The following CDKN1B variants were observed in gnomAD, a reference collection of about 807,000 sequenced individuals.
CDKN1B encodes the protein cyclin-dependent kinase inhibitor 1B.
Under a neutral mutation model 17.1 loss-of-function variants are expected in CDKN1B, and 7 were observed. The observed-to-expected ratio is 0.41, with a 90% CI of 0.23 to 0.77. The LOEUF (loss-of-function observed/expected upper bound fraction) is 0.77. Among genes scored for constraint, CDKN1B ranks in the 30% least tolerant of loss-of-function variants. The probability of loss-of-function intolerance (pLI) is 0.33; values close to 1 mark genes in which losing one functional copy is unlikely to be tolerated. For missense variants in CDKN1B, 337 were observed against 262.0 expected, an observed-to-expected ratio of 1.29 and a Z score of -1.98; for synonymous variants, 149 against 104.3, an observed-to-expected ratio of 1.43 and a Z score of -2.61.
At chr12:12,720,951 T>C (rs533129842) in intron 2 of CDKN1B, 85 bp from the exon 3 acceptor site, 37 of 564,234 alleles carry the variant, frequency 6.6e-5, no homozygotes, top group African/African-American at 5.3e-4. Flanking sequence ...CAAGCTAACA[T>C]AGTGACAAAA....
At position 12,717,761 on chromosome 12, in the gene CDKN1B, T is replaced by G; in HGVS notation, c.-79T>G. 1 of 1,600,104 alleles carries G rather than the reference T, an allele frequency of 6.2e-7. No homozygotes were observed. Among genetic ancestry groups the G allele is most frequent in the Non-Finnish European group, 8.5e-7 (1 of 1,178,882 alleles). On this transcript the variant is annotated 5_prime_UTR_variant, in exon 1 of 3. Coordinates refer to ENST00000228872, the MANE Select transcript of CDKN1B (RefSeq NM_004064.5). ...CTGGGCTTCCGAGAGGGGTTCGGGCTGCGTAGGGGCGCTTTGTTTTGTTCG... is the reference window on the plus strand; with the variant it reads ...CTGGGCTTCCGAGAGGGGTTCGGGCGGCGTAGGGGCGCTTTGTTTTGTTCG...
In CDKN1B at chr12:12,721,209, C is replaced by T; in HGVS notation, c.*182C>T. On this transcript the variant is annotated 3_prime_UTR_variant, in exon 3 of 3. Coordinates refer to ENST00000228872, the MANE Select transcript of CDKN1B (RefSeq NM_004064.5). Reference sequence around the variant, plus strand: ...AAAATTTTAGGCACTCTTAAATGATCTGCCTCTAAAAGCGTTGGATGTAGC... The same window carrying T: ...AAAATTTTAGGCACTCTTAAATGATTTGCCTCTAAAAGCGTTGGATGTAGC... 1 of 760,078 alleles carries T rather than the reference C, an allele frequency of 1.3e-6. No homozygotes were observed. The highest frequency in any genetic ancestry group is 2.4e-6 in the Non-Finnish European group (1 of 410,348). 47.1% of individuals were successfully genotyped at this position (760,078 alleles called of 1,614,324 possible).
At chr12:12,720,907 T>C (rs1946535386) in intron 2 of CDKN1B, 129 bp from the exon 3 acceptor site, 8 of 549,196 alleles carry the variant, frequency 1.5e-5, no homozygotes, top group East Asian at 3.0e-5. Flanking sequence ...GAGATGACTA[T>C]AGTCATCAAA....
At position 12,717,974 on chromosome 12, in the gene CDKN1B, G is replaced by C; in HGVS notation, c.135G>C (p.Leu45Phe). The C allele has an allele frequency of 1.9e-6, 3 of 1,614,228 alleles. No individual in the cohort carries two copies. The highest frequency in any genetic ancestry group is 2.5e-6 in the Non-Finnish European group (3 of 1,180,050). Residue 45 changes from leucine to phenylalanine, a missense_variant, in exon 1 of 3, where the codon TTG becomes TTC. By Grantham distance (22) the Leu-to-Phe change is conservative. Transcript: ENST00000228872. ...PVDHEELTRD[L>F]EKHCRDMEEA... Reference sequence around the variant, plus strand: ...ACCACGAAGAGTTAACCCGGGACTTGGAGAAGCACTGCAGAGACATGGAAG... The same window carrying C: ...ACCACGAAGAGTTAACCCGGGACTTCGAGAAGCACTGCAGAGACATGGAAG...
At position 12,718,054 on chromosome 12, in the gene CDKN1B, G is replaced by A. The variant is rs1280938448; in HGVS notation, c.215G>A (p.Gly72Asp). 1.2e-6 allele frequency: 2 copies of A among 1,614,252 alleles called. No individual in the cohort carries two copies. The highest frequency in any genetic ancestry group is 1.7e-5 in the Admixed American group (1 of 60,028). ...FDFQNHKPLE[G>D]KYEWQEVEKG... ...TTTCAGAATCACAAACCCCTAGAGG[G>A]CAAGTACGAGTGGCAAGAGGTGGAG... Residue 72 changes from glycine (G) to aspartate (D), a missense_variant, in exon 1 of 3, where the codon GGC (glycine) becomes GAC (aspartate). Physicochemically the swap from Gly to Asp is moderately conservative, Grantham distance 94. Coordinates refer to ENST00000228872, the MANE Select transcript of CDKN1B (RefSeq NM_004064.5).
rs780148172 is a variant in CDKN1B, at chr12:12,718,124, C to G, written c.285C>G (p.Pro95=). Residue 95 remains proline, a synonymous_variant, in exon 1 of 3, where the codon CCC becomes CCG. Coordinates refer to ENST00000228872, the MANE Select transcript of CDKN1B (RefSeq NM_004064.5). ...TCTACTACAGACCCCCGCGGCCCCC[C>G]AAAGGTGCCTGCAAGGTGCCGGCGC... ...PEFYYRPPRP[P]KGACKVPAQE... 1 of 1,614,194 alleles carries G rather than the reference C, an allele frequency of 6.2e-7. No individual in the cohort carries two copies. Among genetic ancestry groups the G allele is most frequent in the Non-Finnish European group, 8.5e-7 (1 of 1,180,040 alleles).
In CDKN1B at chr12:12,721,291, T is replaced by C; in HGVS notation, c.*264T>C. The C allele has an allele frequency of 1.9e-6, 1 of 534,162 alleles. No individual in the cohort carries two copies. The highest frequency in any genetic ancestry group is 3.4e-6 in the Non-Finnish European group (1 of 293,796). The allele number at this position is 534,162 out of a possible 1,614,324, so 33.1% of individuals were successfully genotyped here. ...CATTGTACTACCTGTGTATATAGTT[T>C]TTACCTTTTATGTAGCACATAAACT... is the stretch of plus-strand genomic sequence containing the variant. On this transcript the variant is annotated 3_prime_UTR_variant, in exon 3 of 3. Transcript: ENST00000228872.
Position 12,718,254 on chromosome 12 carries a change from G to T in CDKN1B, c.415G>T (p.Asp139Tyr), listed in dbSNP as rs2136356477. ...HLVDPKTDPS[D>Y]SQTGLAEQCA... is the part of the protein sequence containing the mutation. ...GGTGGACCCAAAGACTGATCCGTCG[G>T]ACAGCCAGACGGGGTTAGCGGAGCA... Residue 139 changes from aspartate (D) to tyrosine (Y), a missense_variant, in exon 1 of 3, where the codon GAC becomes TAC. Coordinates refer to ENST00000228872, the MANE Select transcript of CDKN1B (RefSeq NM_004064.5). The T allele has an allele frequency of 3.7e-6, 6 of 1,610,150 alleles. No individual in the cohort carries two copies. Among genetic ancestry groups the T allele is most frequent in the Non-Finnish European group, 5.1e-6 (6 of 1,179,756 alleles).
In CDKN1B at chr12:12,718,203, C is replaced by T. The variant is rs747217677; in HGVS notation, c.364C>T (p.Pro122Ser). 6.2e-6 allele frequency: 10 copies of T among 1,612,820 alleles called. No individual in the cohort carries two copies. The highest frequency in any genetic ancestry group is 4.0e-5 in the African/African-American group (3 of 74,846). ...SRPAAPLIGA[P>S]ANSEDTHLVD... ...CCCGGCGGCGCCTTTAATTGGGGCT[C>T]CGGCTAACTCTGAGGACACGCATTT... Residue 122 changes from proline (P) to serine (S), a missense_variant, in exon 1 of 3, where the codon CCG becomes TCG. By Grantham distance (74) the Pro-to-Ser change is moderately conservative (BLOSUM62 -1). Transcript: ENST00000228872.
In CDKN1B at chr12:12,717,458, C is replaced by T. The variant is rs968252639; in HGVS notation, c.-382C>T. 2 of 1,313,344 alleles carry T rather than the reference C, an allele frequency of 1.5e-6. No individual in the cohort carries two copies. The highest frequency in any genetic ancestry group is 1.9e-6 in the Non-Finnish European group (2 of 1,027,040). 81.4% of individuals were successfully genotyped at this position (1,313,344 alleles called of 1,614,324 possible). ...GGGTGTTTTTCTCCCCCTCCCCTGT[C>T]CCCGCTTGCTCACGGCTCTGCGACT... On this transcript the variant is annotated 5_prime_UTR_variant, in exon 1 of 3. Coordinates refer to ENST00000228872, the MANE Select transcript of CDKN1B (RefSeq NM_004064.5).
At chr12:12,720,483 T>C (rs537681881) in intron 2 of CDKN1B, among the ~76,000 whole-genome samples, 1 of 152,310 alleles carries the variant, frequency 6.6e-6, no homozygotes, top group African/African-American at 2.4e-5. Context: ...ATTTAGAAAG[T>C]TTAATCTGTC....
intron 1 of CDKN1B, 92 bp downstream of exon 1, chr12:12,718,406 G>C: frequency 8.3e-7 from 1 of 1,198,634 alleles, no homozygotes. Flanking sequence ...GGCGTATTCT[G>C]ATTTAGCTTT....
rs1303599935 is a variant in CDKN1B, at chr12:12,722,144, G to C, written c.*1117G>C. The stretch of plus-strand genomic sequence containing the variant: ...TGAAAAATTATACTAACTTATTTAT[G>C]TTAAAAGATTTTTTTTAATCTAGAC... On this transcript the variant is annotated 3_prime_UTR_variant, in exon 3 of 3. Transcript: ENST00000228872. The C allele has an allele frequency of 6.6e-6, 1 of 152,564 alleles. No homozygotes were observed. Among genetic ancestry groups the C allele is most frequent in the Non-Finnish European group, 1.5e-5 (1 of 68,022 alleles). 9.5% of individuals were successfully genotyped at this position (152,564 alleles called of 1,614,324 possible).
At position 12,718,062 on chromosome 12, in the gene CDKN1B, G is replaced by C; in HGVS notation, c.223G>C (p.Glu75Gln). 6.2e-7 allele frequency: 1 copy of C among 1,614,238 alleles called. No homozygotes were observed. The highest frequency in any genetic ancestry group is 8.5e-7 in the Non-Finnish European group (1 of 1,180,044). ...TCACAAACCCCTAGAGGGCAAGTACGAGTGGCAAGAGGTGGAGAAGGGCAG... is the reference window on the plus strand; with the variant it reads ...TCACAAACCCCTAGAGGGCAAGTACCAGTGGCAAGAGGTGGAGAAGGGCAG... ...QNHKPLEGKY[E>Q]WQEVEKGSLP... The change falls in exon 1 of 3, where the codon GAG becomes CAG. Residue 75 changes from glutamate (E) to glutamine (Q), a missense_variant. Physicochemically the swap from Glu to Gln is conservative, Grantham distance 29 (BLOSUM62 2). Transcript: ENST00000228872.
In CDKN1B at chr12:12,718,983, T is replaced by G. The variant is rs199735640; in HGVS notation, c.*8+29T>G. The G allele has an allele frequency of 2.4e-5, 39 of 1,612,526 alleles. No individual in the cohort carries two copies. In the Admixed American group the frequency reaches 6.5e-4, roughly 27 times the overall value. On this transcript the variant is annotated intron_variant, in intron 2 of 2. Coordinates refer to ENST00000228872, the MANE Select transcript of CDKN1B (RefSeq NM_004064.5). ...GGTTGATCACTAAAGGAGCACGCACTGGAACCCGGGGCCTTCAGACCTCAC... is the reference window on the plus strand; with the variant it reads ...GGTTGATCACTAAAGGAGCACGCACGGGAACCCGGGGCCTTCAGACCTCAC...
At position 12,721,479 on chromosome 12, in the gene CDKN1B, CAG is replaced by C; in HGVS notation, c.*456_*457del. The C allele has an allele frequency of 3.5e-6, 1 of 289,316 alleles. No homozygotes were observed. 17.9% of individuals were successfully genotyped at this position (289,316 alleles called of 1,614,324 possible). On this transcript the variant is annotated 3_prime_UTR_variant, in exon 3 of 3. Coordinates refer to ENST00000228872, the MANE Select transcript of CDKN1B (RefSeq NM_004064.5). ...TTCTTTAAAGATGTAATGTCCCTTTCAGAGACAGCTGATACTTCATTTAAAAA... is the reference window on the plus strand; with the variant it reads ...TTCTTTAAAGATGTAATGTCCCTTTCAGACAGCTGATACTTCATTTAAAAA...
Position 12,718,925 on chromosome 12 carries a change from C to G in CDKN1B, c.576C>G (p.Gly192=). 1 of 1,614,054 alleles carries G rather than the reference C, an allele frequency of 6.2e-7. No individual in the cohort carries two copies. The highest frequency in any genetic ancestry group is 8.5e-7 in the Non-Finnish European group (1 of 1,180,026). The change falls in exon 2 of 3, where the codon GGC becomes GGG. Residue 192 remains glycine (G), a synonymous_variant. Coordinates refer to ENST00000228872, the MANE Select transcript of CDKN1B (RefSeq NM_004064.5). ...TGGAGCAGACGCCCAAGAAGCCTGG[C>G]CTCAGAAGACGTCAAACGTAAACAG... ...GSVEQTPKKP[G]LRRRQT is the part of the protein sequence containing the mutation.
chr12:12,718,584 G>A (rs1946506150), intron 1 of CDKN1B, among the ~76,000 whole-genome samples: 1 of 152,116 alleles, frequency 6.6e-6, no homozygotes, highest in African/African-American at 2.4e-5. Context: ...GACAAAGTTG[G>A]GATGTTTATC....
At chr12:12,718,376 T>A (rs573138864) in intron 1 of CDKN1B, 62 bp downstream of exon 1, 3 of 1,440,234 alleles carry the variant, frequency 2.1e-6, no homozygotes, top group Middle Eastern at 1.7e-4. Flanking sequence ...CTGGAGGGTG[T>A]TAACCTTAGC....
Sources: gnomAD v4.1 joint callset for allele counts (sites outside exome capture counted in the v4.1 genomes callset) on GRCh38, gnomAD v4.1.1 for gene constraint, MANE v1.5 for transcripts, NCBI Gene and HGNC (gene_info 2026-07-23, HGNC 2026-07-21) for gene names.